MYO5C: variants seen among roughly 807,000 people sequenced by gnomAD.
MYO5C encodes the protein myosin VC, also known as unconventional myosin-Vc.
Under a neutral mutation model 235.7 loss-of-function variants are expected in MYO5C, and 194 were observed. The observed-to-expected ratio is 0.82, with a 90% CI of 0.73 to 0.93. The LOEUF (loss-of-function observed/expected upper bound fraction) is 0.93, where lower values mean the gene tolerates loss of function less well. Among genes scored for constraint, MYO5C ranks in the 40% least tolerant of loss-of-function variants. The pLI is 0.00. For missense variants in MYO5C, 2,038 were observed against 2,127.2 expected (o/e 0.96, Z 0.82); for synonymous variants, 707 against 754.8 (o/e 0.94, Z 1.04).
At chr15:52,258,905 C>T (rs1177238802) in intron 10 of MYO5C, among the ~76,000 whole-genome samples, 2 of 152,280 alleles carry the variant, frequency 1.3e-5, no homozygotes, top group Middle Eastern at 3.4e-3. Flanking sequence ...TGGGGGCCAC[C>T]GTCCAGCTCA....
chr15:52,261,230 G>GC (rs2036689079), intron 9 of MYO5C, 103 bp from the exon 10 acceptor site: 13 of 1,366,274 alleles, frequency 9.5e-6, no homozygotes, highest in Non-Finnish European at 1.3e-5. Flanking sequence ...CTGTGCAAGA[G>GC]CTGAGTAGTA....
intron 16 of MYO5C, among the ~76,000 whole-genome samples, chr15:52,246,504 A>T (rs1448124199): frequency 6.6e-6 from 1 of 152,180 alleles, no homozygotes; most frequent in Non-Finnish European, 1.5e-5. Flanking sequence ...CTAGCAAGCT[A>T]CAAGGGACTT....
intron 1 of MYO5C, among the ~76,000 whole-genome samples, chr15:52,288,669 T>C (rs2037325216): frequency 6.6e-6 from 1 of 152,200 alleles, no homozygotes; most frequent in Non-Finnish European, 1.5e-5. Context: ...TCCAAACAGA[T>C]GCAGTCCGCA....
chr15:52,202,067 T>C (rs1456960106), intron 38 of MYO5C, among the ~76,000 whole-genome samples: 7 of 152,142 alleles, frequency 4.6e-5, no homozygotes, highest in African/African-American at 1.7e-4. Context: ...ATAAATATTA[T>C]ATTACATTAA....
chr15:52,260,766 T>C, intron 10 of MYO5C, 96 bp downstream of exon 10: 6 of 1,341,356 alleles, frequency 4.5e-6, no homozygotes, highest in East Asian at 2.3e-5. Context: ...TTTCTAATCA[T>C]GTGAAATACA....
At chr15:52,266,004 C>G (rs1025963838) in intron 8 of MYO5C, among the ~76,000 whole-genome samples, 5 of 152,188 alleles carry the variant, frequency 3.3e-5, no homozygotes, top group African/African-American at 1.2e-4. Flanking sequence ...CCCCAGGCCT[C>G]CACCACAGTA....
chr15:52,284,916 T>C (rs1473507916), intron 1 of MYO5C, among the ~76,000 whole-genome samples: 1 of 151,660 alleles, frequency 6.6e-6, no homozygotes, highest in Non-Finnish European at 1.5e-5. Context: ...CACAGCTCAC[T>C]GGAGCCTCGA....
intron 2 of MYO5C, among the ~76,000 whole-genome samples, chr15:52,280,423 C>T (rs995535565): frequency 2.6e-5 from 4 of 152,256 alleles, no homozygotes; most frequent in African/African-American, 7.2e-5. Flanking sequence ...GAAGGTGAGG[C>T]GAGCATGCCC....
intron 9 of MYO5C, 138 bp from the exon 10 acceptor site, chr15:52,261,265 A>G: frequency 1.0e-6 from 1 of 986,930 alleles, no homozygotes; most frequent in Non-Finnish European, 1.5e-6. Flanking sequence ...GCCCAGCCTC[A>G]GGAGGTGGAG....
At position 52,276,960 on chromosome 15, in the gene MYO5C, T is replaced by C. The variant is rs147350458; in HGVS notation, c.450-1242A>G. Among the ~76,000 whole-genome samples, 608 of 152,012 alleles carry C rather than the reference T, an allele frequency of 4.0e-3. 5 individuals are homozygous for C. Among genetic ancestry groups the C allele is most frequent in the African/African-American group, 0.014 (595 of 41,480 alleles). ...AATCCTACGACATAGATATCTCTTTTACAGAAGAGTAAAATGGTGACTCAG... is the reference window on the plus strand; with the variant it reads ...AATCCTACGACATAGATATCTCTTTCACAGAAGAGTAAAATGGTGACTCAG... On this transcript the variant is annotated intron_variant, in intron 4 of 40. Coordinates refer to ENST00000261839, the MANE Select transcript of MYO5C (RefSeq NM_018728.4).
intron 20 of MYO5C, 28 bp from the exon 21 acceptor site, chr15:52,239,907 A>C (rs1448605455): frequency 6.3e-7 from 1 of 1,589,676 alleles, no homozygotes; most frequent in Admixed American, 1.7e-5. Context: ...GTGAAACATA[A>C]ACTGGATCCC....
intron 10 of MYO5C, among the ~76,000 whole-genome samples, chr15:52,260,057 G>C (rs2036659745): frequency 1.3e-5 from 2 of 152,248 alleles, no homozygotes; most frequent in African/African-American, 4.8e-5. Flanking sequence ...CAAGGGCTGG[G>C]CACTGGGGCC....
In MYO5C at chr15:52,192,992, T is replaced by A. The variant is rs1470330005; in HGVS notation, c.*910A>T. 2.0e-5 allele frequency: 3 copies of A among 152,182 alleles called. No homozygotes were observed. The highest frequency in any genetic ancestry group is 4.8e-5 in the African/African-American group (2 of 41,432). The allele number at this position is 152,182 out of a possible 1,614,324, so 9.4% of individuals were successfully genotyped here. A position where few individuals can be genotyped will look rare whatever the true frequency, so the allele number is the denominator to read the frequency against. ...GATATACATATAAAAATACTTCAAA[T>A]GATTCATCTCGGATTGAACACTCTT... On this transcript the variant is annotated 3_prime_UTR_variant, in exon 41 of 41. Coordinates refer to ENST00000261839, the MANE Select transcript of MYO5C (RefSeq NM_018728.4).
At chr15:52,205,328 G>T in intron 37 of MYO5C, 181 bp from the exon 38 acceptor site, 1 of 672,234 alleles carries the variant, frequency 1.5e-6, no homozygotes. Context: ...CAGGGTTAGG[G>T]ATGGACGGCT....
At chr15:52,205,308 G>A in intron 37 of MYO5C, 161 bp from the exon 38 acceptor site, 2 of 797,668 alleles carry the variant, frequency 2.5e-6, no homozygotes, top group East Asian at 2.7e-5. Context: ...TGGGACACCA[G>A]GGTGTGTGTC....
chr15:52,269,614 A>G, intron 8 of MYO5C, 139 bp downstream of exon 8: 1 of 597,048 alleles, frequency 1.7e-6, no homozygotes. Context: ...AATGGTCTCA[A>G]TCTCCTGACC....
chr15:52,211,676 C>G, intron 35 of MYO5C, 54 bp downstream of exon 35: 1 of 1,566,260 alleles, frequency 6.4e-7, no homozygotes. Flanking sequence ...GACTGGGCAT[C>G]TGGTCATTCC....
intron 8 of MYO5C, among the ~76,000 whole-genome samples, chr15:52,268,292 C>T (rs867266893): frequency 1.3e-5 from 2 of 152,256 alleles, no homozygotes; most frequent in African/African-American, 2.4e-5. Context: ...TGGCCGGGCG[C>T]GGTGGCTCAT....
chr15:52,284,295 A>G lies in MYO5C; in HGVS notation c.28-1403T>C, dbSNP rs573320114. ...ATGAACTACTGATGTAAGCAAAAGC[A>G]TGGGTGAGTCACCAAAGCACGCTGA... On this transcript the variant is annotated intron_variant, in intron 1 of 40. Coordinates refer to ENST00000261839, the MANE Select transcript of MYO5C (RefSeq NM_018728.4). 2.9e-3 allele frequency among the ~76,000 whole-genome samples: 445 copies of G among 152,322 alleles called. 3 individuals are homozygous for G. The South Asian group carries it at 0.031, about 11-fold the overall frequency.
Sources: gnomAD v4.1 joint callset for allele counts (sites outside exome capture counted in the v4.1 genomes callset) on GRCh38, gnomAD v4.1.1 for gene constraint, MANE v1.5 for transcripts, NCBI Gene and HGNC (gene_info 2026-07-23, HGNC 2026-07-21) for gene names.